Variants in COL24A1 observed in about 807,000 individuals in gnomAD.
COL24A1 encodes collagen alpha-1(XXIV) chain.
In COL24A1, 224 loss-of-function variants were observed where a neutral mutation model predicts 253.9. That is an observed-to-expected ratio of 0.88 (90% CI 0.79 to 0.99). The LOEUF (loss-of-function observed/expected upper bound fraction) is 0.99. Among genes scored for constraint, COL24A1 ranks in the 50% least tolerant of loss-of-function variants. The pLI is 0.00. For synonymous variants in COL24A1, 685 were observed against 673.7 expected, an observed-to-expected ratio of 1.02 and a Z score of -0.26; for missense variants, 2,131 against 2,068.5, an observed-to-expected ratio of 1.03 and a Z score of -0.59.
At chr1:86,112,048 G>A (rs7550464) in intron 5 of COL24A1, among the ~76,000 whole-genome samples, 27,804 of 152,012 alleles carry the variant, frequency 0.18, 2,641 homozygotes, top group South Asian at 0.27. Flanking sequence ...CACCAATTCC[G>A]GACACAATAT....
intron 24 of COL24A1, among the ~76,000 whole-genome samples, chr1:85,940,070 A>T (rs1479466814): frequency 1.3e-5 from 2 of 152,200 alleles, no homozygotes; most frequent in East Asian, 3.8e-4. Context: ...TTGAAGAAAA[A>T]GCAATTTTAT....
At chr1:85,975,152 G>A (rs1284790631) in intron 20 of COL24A1, among the ~76,000 whole-genome samples, 1 of 152,066 alleles carries the variant, frequency 6.6e-6, no homozygotes, top group Admixed American at 6.6e-5. Flanking sequence ...GAGAAAGGGT[G>A]ATTTATTGGT....
intron 24 of COL24A1, among the ~76,000 whole-genome samples, chr1:85,913,096 C>G (rs1020407127): frequency 2.6e-5 from 4 of 152,054 alleles, no homozygotes; most frequent in Non-Finnish European, 5.9e-5. Context: ...TTGCTTAAAT[C>G]TAGTTGGAAG....
At chr1:85,907,287 A>T (rs756834484) in intron 27 of COL24A1, 40 bp from the exon 28 acceptor site, 1 of 1,497,848 alleles carries the variant, frequency 6.7e-7, no homozygotes, top group Non-Finnish European at 9.3e-7. Flanking sequence ...AGAATTTACA[A>T]GAATACTATC....
intron 7 of COL24A1, among the ~76,000 whole-genome samples, chr1:86,085,222 G>A (rs529590183): frequency 6.6e-6 from 1 of 152,074 alleles, no homozygotes; most frequent in Admixed American, 6.5e-5. Context: ...TGATGCTTTT[G>A]GTTGTTTATT....
intron 37 of COL24A1, among the ~76,000 whole-genome samples, chr1:85,855,477 T>C (rs1030297077): frequency 6.6e-6 from 1 of 152,192 alleles, no homozygotes; most frequent in African/African-American, 2.4e-5. Context: ...ATCATGTGTT[T>C]TTTGTTTTTA....
At chr1:86,119,482 C>T (rs140374365) in intron 3 of COL24A1, among the ~76,000 whole-genome samples, 28 of 152,194 alleles carry the variant, frequency 1.8e-4, no homozygotes, top group African/African-American at 6.5e-4. Context: ...TGTTCTACAA[C>T]CAGAATCCTC....
At position 85,730,573 on chromosome 1, in the gene COL24A1, A is replaced by C. The variant is rs755318658; in HGVS notation, c.5118T>G (p.Ile1706Met). The change falls in exon 60 of 60, where the codon ATT (isoleucine) becomes ATG (methionine). Residue 1706 changes from isoleucine (I) to methionine (M), a missense_variant. Coordinates refer to ENST00000370571, the MANE Select transcript of COL24A1 (RefSeq NM_152890.7). ...PHLKTERKYYIDSSSVCFL is the reference protein window; with the variant it reads ...PHLKTERKYYMDSSSVCFL ...ACAGAAAGCATACAGAACTGCTGTC[A>C]ATGTAATACTTTCGTTCAGTTTTGA... 1.9e-6 allele frequency: 3 copies of C among 1,613,858 alleles called. No homozygotes were observed. The highest frequency in any genetic ancestry group is 2.5e-6 in the Non-Finnish European group (3 of 1,179,886).
intron 19 of COL24A1, among the ~76,000 whole-genome samples, chr1:85,989,604 T>C (rs1191400852): frequency 1.3e-5 from 2 of 152,202 alleles, no homozygotes; most frequent in East Asian, 3.8e-4. Flanking sequence ...GTTACTGGCC[T>C]CAGAATAGAA....
At chr1:86,092,196 A>T (rs1703542502) in intron 6 of COL24A1, 71 bp downstream of exon 6, 2 of 1,236,150 alleles carry the variant, frequency 1.6e-6, no homozygotes, top group Non-Finnish European at 1.1e-6. Context: ...ATCTACATTT[A>T]AAAATGCTTA....
chr1:85,773,028 T>G (rs978492927), intron 53 of COL24A1, among the ~76,000 whole-genome samples: 2 of 152,186 alleles, frequency 1.3e-5, no homozygotes, highest in Admixed American at 1.3e-4. Flanking sequence ...CTTTGATCCA[T>G]CTTGAGTGGA....
chr1:86,124,580 T>C lies in COL24A1; in HGVS notation c.1491+265A>G, dbSNP rs547614962. On this transcript the variant is annotated intron_variant, in intron 3 of 59. Transcript: ENST00000370571. Reference sequence around the variant, plus strand: ...ATTTCAACTGAACAAGAAAAACAAATAGTTTGCCCACTACTTCACCAGAAT... The same window carrying C: ...ATTTCAACTGAACAAGAAAAACAAACAGTTTGCCCACTACTTCACCAGAAT... 7.2e-5 allele frequency among the ~76,000 whole-genome samples: 11 copies of C among 152,022 alleles called. No individual in the cohort carries two copies. The South Asian group carries it at 2.3e-3, about 31-fold the overall frequency.
intron 22 of COL24A1, among the ~76,000 whole-genome samples, chr1:85,967,068 T>C (rs1691643625): frequency 6.6e-6 from 1 of 152,170 alleles, no homozygotes; most frequent in Non-Finnish European, 1.5e-5. Flanking sequence ...GGACAGGGTA[T>C]GTAGTAAACA....
chr1:85,736,381 C>T, intron 58 of COL24A1: 1 of 456,332 alleles, frequency 2.2e-6, no homozygotes, highest in South Asian at 1.5e-5. Flanking sequence ...GCACAGTTCA[C>T]ACAGCCCCAT....
chr1:86,065,634 T>A (rs546732261), intron 7 of COL24A1, among the ~76,000 whole-genome samples: 2 of 151,764 alleles, frequency 1.3e-5, no homozygotes, highest in East Asian at 3.9e-4. Context: ...GAGTTTTATT[T>A]AAATAAAAAC....
intron 37 of COL24A1, among the ~76,000 whole-genome samples, chr1:85,857,385 C>T (rs1678551904): frequency 7.1e-6 from 1 of 141,820 alleles, no homozygotes; most frequent in African/African-American, 2.7e-5. Context: ...AGGACCACAA[C>T]AGACCTCAGA....
intron 24 of COL24A1, among the ~76,000 whole-genome samples, chr1:85,915,747 C>A (rs900151489): frequency 3.3e-5 from 5 of 152,178 alleles, no homozygotes; most frequent in African/African-American, 1.2e-4. Flanking sequence ...CTCCTGGGTT[C>A]ATGCAATTCT....
intron 14 of COL24A1, among the ~76,000 whole-genome samples, chr1:86,027,128 A>C (rs2101438062): frequency 6.6e-6 from 1 of 152,298 alleles, no homozygotes; most frequent in South Asian, 2.1e-4. Flanking sequence ...ATTCACAAAG[A>C]GTTTGGAATT....
Position 85,747,069 on chromosome 1 carries a change from C to A in COL24A1, c.4438-1563G>T, listed in dbSNP as rs1665298733. On this transcript the variant is annotated intron_variant, in intron 55 of 59. Coordinates refer to ENST00000370571, the MANE Select transcript of COL24A1 (RefSeq NM_152890.7). ...TAAAGGATTCCTTTATTATTAGAGG[C>A]CTTACAAATTTTTTGTTTATGTGAA... Among the ~76,000 whole-genome samples, 3 of 148,550 alleles carry A rather than the reference C, an allele frequency of 2.0e-5. No homozygotes were observed. In the South Asian group the frequency reaches 6.5e-4, roughly 32 times the overall value.
Sources: allele counts gnomAD v4.1 joint callset (sites outside exome capture counted in the v4.1 genomes callset), GRCh38; gene constraint gnomAD v4.1.1; transcripts MANE v1.5; gene names NCBI Gene and HGNC (gene_info 2026-07-23, HGNC 2026-07-21).